The following RNF38 variants were observed in gnomAD, a reference collection of about 807,000 sequenced individuals.
RNF38 encodes the protein ring finger protein 38, also known as E3 ubiquitin-protein ligase RNF38.
RNF38 carries 15 observed loss-of-function variants against 67.2 expected under a neutral mutation model. The ratio of observed to expected loss-of-function variants is 0.22; its 90% confidence interval spans 0.15 to 0.34. The LOEUF (loss-of-function observed/expected upper bound fraction) is 0.34. Among genes scored for constraint, RNF38 ranks in the 10% least tolerant of loss-of-function variants. The probability of loss-of-function intolerance (pLI) is 1.00; values close to 1 mark genes in which losing one functional copy is unlikely to be tolerated. For synonymous variants in RNF38, 220 were observed against 218.8 expected, an observed-to-expected ratio of 1.01 and a Z score of -0.05; for missense variants, 524 against 639.9, an observed-to-expected ratio of 0.82 and a Z score of 1.95.
chr9:36,423,604 C>T (rs903846281), intron 2 of RNF38, among the ~76,000 whole-genome samples: 1 of 152,166 alleles, frequency 6.6e-6, no homozygotes, highest in East Asian at 1.9e-4. Flanking sequence ...AAACGCCCAG[C>T]TCACAGAAAT....
At chr9:36,440,105 G>A (rs1839161140) in intron 1 of RNF38, among the ~76,000 whole-genome samples, 1 of 152,104 alleles carries the variant, frequency 6.6e-6, no homozygotes, top group Non-Finnish European at 1.5e-5. Flanking sequence ...AATCAGCCAG[G>A]TGTGGTGGCT....
At chr9:36,410,857 G>A (rs962900895) in intron 2 of RNF38, among the ~76,000 whole-genome samples, 3 of 152,196 alleles carry the variant, frequency 2.0e-5, no homozygotes, top group African/African-American at 7.2e-5. Flanking sequence ...GGAGTAGAAT[G>A]TTGTTTCCCA....
chr9:36,367,193 A>G (rs1369010534), intron 4 of RNF38, among the ~76,000 whole-genome samples: 1 of 152,178 alleles, frequency 6.6e-6, no homozygotes, highest in African/African-American at 2.4e-5. Context: ...AAATGAACAA[A>G]TGCCTTAAGG....
chr9:36,344,147 T>C (rs541191282), intron 10 of RNF38, among the ~76,000 whole-genome samples: 2 of 152,212 alleles, frequency 1.3e-5, no homozygotes, highest in South Asian at 4.1e-4. Flanking sequence ...TTCGAGTAGC[T>C]GGGATTACAG....
At chr9:36,409,751 A>G (rs1415008455) in intron 2 of RNF38, among the ~76,000 whole-genome samples, 1 of 152,214 alleles carries the variant, frequency 6.6e-6, no homozygotes, top group African/African-American at 2.4e-5. Context: ...CATATGTGAT[A>G]CACGGTGCAT....
intron 1 of RNF38, among the ~76,000 whole-genome samples, chr9:36,448,007 T>C (rs568514090): frequency 2.0e-4 from 31 of 152,248 alleles, no homozygotes; most frequent in Non-Finnish European, 3.8e-4. Flanking sequence ...TATTGAAGCC[T>C]ACATGCAGCT....
At chr9:36,456,865 A>G (rs976839556) in intron 1 of RNF38, among the ~76,000 whole-genome samples, 14 of 152,156 alleles carry the variant, frequency 9.2e-5, no homozygotes, top group Non-Finnish European at 5.9e-5. Context: ...AAGATATGAG[A>G]ACTTTAATAA....
intron 1 of RNF38, among the ~76,000 whole-genome samples, chr9:36,449,804 A>T (rs1839394239): frequency 6.6e-6 from 1 of 152,156 alleles, no homozygotes; most frequent in Non-Finnish European, 1.5e-5. Context: ...AAGCAGGGGA[A>T]GTTGCTCAAC....
chr9:36,486,024 A>T (rs1302129833), intron 1 of RNF38, among the ~76,000 whole-genome samples: 1 of 152,164 alleles, frequency 6.6e-6, no homozygotes, highest in Non-Finnish European at 1.5e-5. Context: ...TTTCAAACTC[A>T]TCACGTTTGG....
intron 1 of RNF38, among the ~76,000 whole-genome samples, chr9:36,470,548 T>C (rs1839972672): frequency 1.3e-5 from 2 of 152,168 alleles, no homozygotes; most frequent in African/African-American, 4.8e-5. Flanking sequence ...CCATGGAAAT[T>C]TATTCCGCTT....
chr9:36,482,462 C>A (rs1840296325), intron 1 of RNF38, among the ~76,000 whole-genome samples: 1 of 150,700 alleles, frequency 6.6e-6, no homozygotes, highest in Non-Finnish European at 1.5e-5. Flanking sequence ...AAGCGATTCT[C>A]CTGCCTCAGC....
rs73441026 is a variant in RNF38 at position 36,358,332 on chromosome 9, T to C, written c.571-390A>G. Among the ~76,000 whole-genome samples, 966 of 152,354 alleles carry C rather than the reference T, an allele frequency of 6.3e-3. 13 individuals are homozygous for C. Among genetic ancestry groups the C allele is most frequent in the African/African-American group, 0.022 (923 of 41,578 alleles). On this transcript the variant is annotated intron_variant, in intron 4 of 11. Coordinates refer to ENST00000259605, the MANE Select transcript of RNF38 (RefSeq NM_022781.5). Reference sequence around the variant, plus strand: ...TTACAACTAGTGAAACAATGTAAAGTATATTTTTAAAAAAATGAAATCTCA... The same window carrying C: ...TTACAACTAGTGAAACAATGTAAAGCATATTTTTAAAAAAATGAAATCTCA...
chr9:36,356,577 T>C, intron 5 of RNF38, 104 bp from the exon 6 acceptor site: 2 of 941,238 alleles, frequency 2.1e-6, no homozygotes, highest in South Asian at 3.9e-5. Context: ...TCTCCCAAAA[T>C]CATGAAAATG....
intron 2 of RNF38, chr9:36,424,596 A>G: frequency 3.1e-6 from 3 of 981,368 alleles, no homozygotes; most frequent in Non-Finnish European, 3.6e-6. Flanking sequence ...CATGGCAGAC[A>G]TCAACACGAA....
chr9:36,383,553 G>C (rs562035632), intron 2 of RNF38, among the ~76,000 whole-genome samples: 2 of 152,022 alleles, frequency 1.3e-5, no homozygotes, highest in Non-Finnish European at 2.9e-5. Flanking sequence ...TGCTGCCCTT[G>C]AACTACATAA....
At chr9:36,429,159 T>G (rs1344770843) in intron 1 of RNF38, among the ~76,000 whole-genome samples, 5 of 152,186 alleles carry the variant, frequency 3.3e-5, no homozygotes, top group Non-Finnish European at 7.3e-5. Context: ...TTAAATAAAT[T>G]TTAATAGTAA....
At chr9:36,377,897 C>A (rs1835900633) in intron 2 of RNF38, among the ~76,000 whole-genome samples, 1 of 151,862 alleles carries the variant, frequency 6.6e-6, no homozygotes, top group Non-Finnish European at 1.5e-5. Context: ...GACTATTTCC[C>A]ATCCGTGGTT....
At chr9:36,475,709 G>T (rs1388072371) in intron 1 of RNF38, among the ~76,000 whole-genome samples, 3 of 150,872 alleles carry the variant, frequency 2.0e-5, no homozygotes, top group African/African-American at 4.9e-5. Flanking sequence ...TAGAGACAGG[G>T]GTTAATTCCC....
intron 2 of RNF38, among the ~76,000 whole-genome samples, chr9:36,410,208 AATT>A (rs1838288827): frequency 6.6e-6 from 1 of 152,228 alleles, no homozygotes; most frequent in Admixed American, 6.5e-5. Context: ...GATAATGTAA[AATT>A]ATTAAAACTT....
Sources: allele counts gnomAD v4.1 joint callset (sites outside exome capture counted in the v4.1 genomes callset), GRCh38; gene constraint gnomAD v4.1.1; transcripts MANE v1.5; gene names NCBI Gene and HGNC (gene_info 2026-07-23, HGNC 2026-07-21).